Variants in CNTN5 observed in about 807,000 individuals in gnomAD.
CNTN5 encodes contactin-5.
A neutral mutation model predicts 129.1 loss-of-function variants in CNTN5; 77 were observed. That is an observed-to-expected ratio of 0.60 (90% CI 0.50 to 0.72). CNTN5 has a LOEUF of 0.72. Among genes scored for constraint, CNTN5 ranks in the 30% least tolerant of loss-of-function variants. The pLI, the probability that CNTN5 is intolerant of heterozygous loss-of-function variation, is 0.00. For missense variants in CNTN5, 1,478 were observed against 1,328.8 expected, an observed-to-expected ratio of 1.11 and a Z score of -1.75; for synonymous variants, 509 against 465.6, an observed-to-expected ratio of 1.09 and a Z score of -1.20.
intron 7 of CNTN5, among the ~76,000 whole-genome samples, chr11:99,953,140 T>C (rs573612572): frequency 6.6e-6 from 1 of 152,334 alleles, no homozygotes; most frequent in Admixed American, 6.5e-5. Context: ...GTATGCAGTT[T>C]CATTCCCCAT....
chr11:99,142,974 CCTT>C (rs1859596157), intron 1 of CNTN5, among the ~76,000 whole-genome samples: 1 of 152,136 alleles, frequency 6.6e-6, no homozygotes, highest in Non-Finnish European at 1.5e-5. Flanking sequence ...GCTTCTCTAT[CCTT>C]CAATCCCTTC....
Position 99,080,745 on chromosome 11 carries a change from T to C in CNTN5, c.-210+59475T>C, listed in dbSNP as rs140933042. ...GAGGAAGAGAGGAAGGAATAGCTAT[T>C]GAATAGGGAACCAGCAGTTTCTGAC... On this transcript the variant is annotated intron_variant, in intron 1 of 24. Transcript: ENST00000524871. Among the ~76,000 whole-genome samples the C allele has an allele frequency of 2.6e-5, 4 of 152,250 alleles. No homozygotes were observed. In the East Asian group the frequency reaches 7.7e-4, roughly 29 times the overall value.
At chr11:99,211,438 A>G (rs1342441894) in intron 1 of CNTN5, among the ~76,000 whole-genome samples, 1 of 152,076 alleles carries the variant, frequency 6.6e-6, no homozygotes. Flanking sequence ...TAAAACTCTG[A>G]TGCCATGTGA....
chr11:99,689,524 A>G (rs1467620263), intron 3 of CNTN5, among the ~76,000 whole-genome samples: 2 of 109,578 alleles, frequency 1.8e-5, no homozygotes, highest in African/African-American at 6.9e-5. Flanking sequence ...GAGACTCCTC[A>G]AAAAAGAAAA....
At chr11:99,731,815 T>C (rs1469207970) in intron 3 of CNTN5, among the ~76,000 whole-genome samples, 1 of 152,204 alleles carries the variant, frequency 6.6e-6, no homozygotes, top group East Asian at 1.9e-4. Context: ...AGGGCTAGAC[T>C]GCAAATTGGC....
intron 1 of CNTN5, among the ~76,000 whole-genome samples, chr11:99,216,959 C>A (rs1860157731): frequency 6.6e-6 from 1 of 151,996 alleles, no homozygotes; most frequent in South Asian, 2.1e-4. Context: ...CCGAGGCAGG[C>A]AAATCGTGAG....
intron 3 of CNTN5, among the ~76,000 whole-genome samples, chr11:99,670,245 A>T (rs528689152): frequency 4.0e-4 from 61 of 152,294 alleles, no homozygotes; most frequent in African/African-American, 1.3e-3. Flanking sequence ...CATAAGGTAG[A>T]TAACATAACT....
At chr11:99,203,449 C>T (rs1375263054) in intron 1 of CNTN5, among the ~76,000 whole-genome samples, 2 of 152,158 alleles carry the variant, frequency 1.3e-5, no homozygotes, top group Middle Eastern at 3.4e-3. Context: ...TTGTATTTTA[C>T]ATTTGTATCA....
At chr11:100,228,415 C>T (rs1471110288) in intron 16 of CNTN5, among the ~76,000 whole-genome samples, 1 of 152,118 alleles carries the variant, frequency 6.6e-6, no homozygotes, top group African/African-American at 2.4e-5. Flanking sequence ...GAACCCCACC[C>T]TATCACTTCC....
chr11:100,334,326 TTGG>T (rs1224467877), intron 21 of CNTN5, among the ~76,000 whole-genome samples: 3 of 152,180 alleles, frequency 2.0e-5, no homozygotes, highest in Non-Finnish European at 4.4e-5. Context: ...TTTTACACTG[TTGG>T]TGGGAATGTA....
intron 1 of CNTN5, among the ~76,000 whole-genome samples, chr11:99,100,967 C>T (rs1301288257): frequency 6.6e-6 from 1 of 152,080 alleles, no homozygotes; most frequent in Non-Finnish European, 1.5e-5. Context: ...TCCATTTTCA[C>T]ACTGCTGATA....
chr11:99,610,453 G>T (rs1405084244), intron 3 of CNTN5, among the ~76,000 whole-genome samples: 1 of 152,168 alleles, frequency 6.6e-6, no homozygotes, highest in African/African-American at 2.4e-5. Context: ...GAGGAAGGTG[G>T]ATAGGGATCT....
At chr11:99,626,837 T>C (rs1001404968) in intron 3 of CNTN5, among the ~76,000 whole-genome samples, 2 of 152,234 alleles carry the variant, frequency 1.3e-5, no homozygotes, top group African/African-American at 4.8e-5. Context: ...ACTGACTTGA[T>C]CATTATACAT....
chr11:100,002,472 G>A (rs1034061737), intron 9 of CNTN5, among the ~76,000 whole-genome samples: 1 of 152,036 alleles, frequency 6.6e-6, no homozygotes, highest in Non-Finnish European at 1.5e-5. Flanking sequence ...AAGATAGAAA[G>A]GCAAAGTACT....
At chr11:99,784,801 T>TG (rs1340813982) in intron 3 of CNTN5, among the ~76,000 whole-genome samples, 5 of 146,096 alleles carry the variant, frequency 3.4e-5, no homozygotes, top group African/African-American at 1.3e-4. Context: ...TTGTGTTTTT[T>TG]TTTTTTTTTT....
intron 1 of CNTN5, among the ~76,000 whole-genome samples, chr11:99,256,452 T>C (rs1457752433): frequency 6.6e-6 from 1 of 152,084 alleles, no homozygotes; most frequent in Non-Finnish European, 1.5e-5. Flanking sequence ...GCATTTTATA[T>C]ATATGTTTTG....
At chr11:99,873,136 T>A (rs1948546272) in intron 6 of CNTN5, among the ~76,000 whole-genome samples, 2 of 152,086 alleles carry the variant, frequency 1.3e-5, no homozygotes. Context: ...TTTCAGTAGC[T>A]GTGCCACATC....
intron 1 of CNTN5, among the ~76,000 whole-genome samples, chr11:99,247,716 G>T (rs1208914912): frequency 1.3e-5 from 2 of 151,876 alleles, no homozygotes; most frequent in African/African-American, 4.8e-5. Flanking sequence ...GTGGTGTTTG[G>T]TTTTTTGTCC....
intron 10 of CNTN5, among the ~76,000 whole-genome samples, chr11:100,066,559 A>G (rs1943702734): frequency 6.6e-6 from 1 of 152,158 alleles, no homozygotes; most frequent in Non-Finnish European, 1.5e-5. Context: ...AATGTATTAC[A>G]TAAGTACGGT....
Sources: allele counts gnomAD v4.1 joint callset (sites outside exome capture counted in the v4.1 genomes callset), GRCh38; gene constraint gnomAD v4.1.1; transcripts MANE v1.5; gene names NCBI Gene and HGNC (gene_info 2026-07-23, HGNC 2026-07-21).